KCNQ5: variants seen among roughly 807,000 people sequenced by gnomAD.
The protein encoded by KCNQ5 is potassium voltage-gated channel subfamily KQT member 5.
A neutral mutation model predicts 98.2 loss-of-function variants in KCNQ5; 30 were observed. The observed-to-expected ratio is 0.31, with a 90% CI of 0.23 to 0.41. The LOEUF (loss-of-function observed/expected upper bound fraction) is 0.41. Ranked by LOEUF, KCNQ5 falls within the 10% of genes least tolerant of loss-of-function variation. KCNQ5 has a pLI of 1.00. For missense variants in KCNQ5, 835 were observed against 1,182.5 expected (o/e 0.71, Z 4.31); for synonymous variants, 458 against 449.4 (o/e 1.02, Z -0.24).
chr6:73,039,515 CA>C (rs145002285), intron 2 of KCNQ5, among the ~76,000 whole-genome samples: 211 of 152,162 alleles, frequency 1.4e-3, no homozygotes, highest in African/African-American at 4.9e-3. Context: ...TTTGTTATGT[CA>C]TTTTTTTATT....
chr6:72,736,589 T>C (rs1289836844), intron 1 of KCNQ5, among the ~76,000 whole-genome samples: 1 of 134,880 alleles, frequency 7.4e-6, no homozygotes, highest in African/African-American at 3.0e-5. Context: ...AAGCTCCGCC[T>C]CCCGGGTTCA....
At chr6:72,655,510 A>G (rs2154472629) in intron 1 of KCNQ5, among the ~76,000 whole-genome samples, 1 of 152,242 alleles carries the variant, frequency 6.6e-6, no homozygotes, top group South Asian at 2.1e-4. Flanking sequence ...GGAATTAGAG[A>G]GGAACGGGGA....
intron 1 of KCNQ5, among the ~76,000 whole-genome samples, chr6:72,960,554 C>G (rs535952469): frequency 1.3e-5 from 2 of 152,038 alleles, no homozygotes; most frequent in African/African-American, 4.8e-5. Flanking sequence ...CTCGGCCTCC[C>G]GAGTAGCTGG....
At position 73,192,669 on chromosome 6, in the gene KCNQ5, G is replaced by A. The variant is rs1390470611; in HGVS notation, c.1814G>A (p.Arg605Gln). 3.8e-6 allele frequency: 6 copies of A among 1,598,054 alleles called. No homozygotes were observed. The highest frequency in any genetic ancestry group is 2.6e-6 in the Non-Finnish European group (3 of 1,172,514). ...ETTDDLSMLG[R>Q]VVKVEKQVQS... is the part of the protein sequence containing the mutation. Reference sequence around the variant, plus strand: ...ACAGACGATCTCAGTATGCTCGGTCGGGTGGTCAAGGTTGAAAAACAGGTA... The same window carrying A: ...ACAGACGATCTCAGTATGCTCGGTCAGGTGGTCAAGGTTGAAAAACAGGTA... Residue 605 changes from arginine (R) to glutamine (Q), a missense_variant, in exon 13 of 14, where the codon CGG (arginine) becomes CAG (glutamine). By Grantham distance (43) the Arg-to-Gln change is conservative (BLOSUM62 1). Around this residue, in one of 10 missense-constraint regions of KCNQ5, gnomAD observed 416 missense variants for 446.9 expected, o/e 0.93. Transcript: ENST00000370398.
At chr6:72,738,165 AT>A (rs1420796512) in intron 1 of KCNQ5, among the ~76,000 whole-genome samples, 5 of 145,582 alleles carry the variant, frequency 3.4e-5, no homozygotes, top group Admixed American at 1.4e-4. Flanking sequence ...AAAAAAAAAA[AT>A]TTGTTACTTA....
chr6:72,846,416 G>A (rs1353788516), intron 1 of KCNQ5, among the ~76,000 whole-genome samples: 1 of 152,050 alleles, frequency 6.6e-6, no homozygotes, highest in Non-Finnish European at 1.5e-5. Context: ...TGGCACAGTG[G>A]CTCACACCTG....
intron 1 of KCNQ5, among the ~76,000 whole-genome samples, chr6:72,856,471 TACACAC>T (rs3035183): frequency 2.1e-4 from 31 of 149,018 alleles, no homozygotes; most frequent in African/African-American, 3.5e-4. Context: ...CACACATATA[TACACAC>T]ACACACACAC....
intron 1 of KCNQ5, among the ~76,000 whole-genome samples, chr6:72,873,055 T>C (rs1224534575): frequency 6.6e-6 from 1 of 152,128 alleles, no homozygotes; most frequent in African/African-American, 2.4e-5. Flanking sequence ...TTTTATACAC[T>C]TAGAGAATCT....
chr6:72,774,855 G>A (rs1773084778), intron 1 of KCNQ5, among the ~76,000 whole-genome samples: 1 of 152,130 alleles, frequency 6.6e-6, no homozygotes, highest in Admixed American at 6.6e-5. Context: ...GAACAAATGG[G>A]ACTTGTACCC....
chr6:72,838,103 C>A (rs979584352), intron 1 of KCNQ5, among the ~76,000 whole-genome samples: 6 of 105,238 alleles, frequency 5.7e-5, no homozygotes, highest in African/African-American at 1.1e-4. Flanking sequence ...TCCCTCCCCC[C>A]TCCCCCCACC....
intron 1 of KCNQ5, among the ~76,000 whole-genome samples, chr6:73,002,944 G>A (rs1769651394): frequency 6.6e-6 from 1 of 152,074 alleles, no homozygotes; most frequent in Non-Finnish European, 1.5e-5. Context: ...AGGAGTCAGG[G>A]ACTAACTTCA....
chr6:73,016,954 C>G (rs995424515), intron 2 of KCNQ5, among the ~76,000 whole-genome samples: 39 of 152,082 alleles, frequency 2.6e-4, no homozygotes, highest in African/African-American at 9.4e-4. Flanking sequence ...CCTACATATC[C>G]CAACTCTGGA....
At chr6:72,864,416 G>T (rs1020250010) in intron 1 of KCNQ5, among the ~76,000 whole-genome samples, 2 of 152,134 alleles carry the variant, frequency 1.3e-5, no homozygotes, top group Non-Finnish European at 2.9e-5. Flanking sequence ...CAAACTCTTT[G>T]CCCAGAAGCA....
Position 72,892,046 on chromosome 6 carries a change from C to A in KCNQ5, c.399-111862C>A, listed in dbSNP as rs548905772. Among the ~76,000 whole-genome samples, 9 of 152,216 alleles carry A rather than the reference C, an allele frequency of 5.9e-5. No individual in the cohort carries two copies. In the South Asian group the frequency reaches 1.9e-3, roughly 32 times the overall value. ...TCTCATTAGATTTAGAGCCTAATCC[C>A]CATGTAAGAGGCTACTCTCATTTGC... On this transcript the variant is annotated intron_variant, in intron 1 of 13. Coordinates refer to ENST00000370398, the MANE Select transcript of KCNQ5 (RefSeq NM_019842.4).
At chr6:73,023,886 A>G (rs1166451114) in intron 2 of KCNQ5, among the ~76,000 whole-genome samples, 4 of 152,194 alleles carry the variant, frequency 2.6e-5, no homozygotes, top group African/African-American at 9.6e-5. Flanking sequence ...AGGATAAAAA[A>G]CCAGAAATCT....
At chr6:72,954,129 A>C (rs1439672264) in intron 1 of KCNQ5, among the ~76,000 whole-genome samples, 1 of 152,174 alleles carries the variant, frequency 6.6e-6, no homozygotes, top group Non-Finnish European at 1.5e-5. Context: ...GTTCATCTTA[A>C]TGTTCTTTAT....
chr6:72,701,979 C>A (rs1768832154), intron 1 of KCNQ5, among the ~76,000 whole-genome samples: 1 of 152,096 alleles, frequency 6.6e-6, no homozygotes, highest in African/African-American at 2.4e-5. Context: ...CAGGTGTGAG[C>A]CACCATGCCC....
intron 1 of KCNQ5, among the ~76,000 whole-genome samples, chr6:72,646,466 G>T (rs1249277592): frequency 1.3e-5 from 2 of 152,102 alleles, no homozygotes; most frequent in Non-Finnish European, 2.9e-5. Flanking sequence ...AAGTGGAACA[G>T]ATTGTAGTTA....
At chr6:72,727,461 C>G (rs974846646) in intron 1 of KCNQ5, among the ~76,000 whole-genome samples, 7 of 152,158 alleles carry the variant, frequency 4.6e-5, no homozygotes, top group Admixed American at 3.3e-4. Context: ...GTGCCCATCC[C>G]TCTCAAAGAA....
Sources: allele counts gnomAD v4.1 joint callset (sites outside exome capture counted in the v4.1 genomes callset), GRCh38; gene constraint gnomAD v4.1.1; regional missense constraint gnomAD v4.1.1; transcripts MANE v1.5; gene names NCBI Gene and HGNC (gene_info 2026-07-23, HGNC 2026-07-21).